RBPJ: variants seen among roughly 807,000 people sequenced by gnomAD.
RBPJ encodes recombining binding protein suppressor of hairless.
RBPJ carries 9 observed loss-of-function variants against 67.8 expected under a neutral mutation model. The ratio of observed to expected loss-of-function variants is 0.13; its 90% CI spans 0.08 to 0.23. The LOEUF (loss-of-function observed/expected upper bound fraction) is 0.23. Ranked by LOEUF, RBPJ falls within the 10% of genes least tolerant of loss-of-function variation. The pLI is 1.00. For missense variants in RBPJ, 305 were observed against 595.6 expected (o/e 0.51, Z 5.08); for synonymous variants, 198 against 203.3 (o/e 0.97, Z 0.22).
In RBPJ at chr4:26,261,756, G is replaced by A. The variant is rs76503274; in HGVS notation, c.-167+98142G>A. Among the ~76,000 whole-genome samples, 518 of 152,244 alleles carry A rather than the reference G, an allele frequency of 3.4e-3. 1 individual carries two copies. Among genetic ancestry groups the A allele is most frequent in the African/African-American group, 0.012 (492 of 41,536 alleles). On this transcript the variant is annotated intron_variant, in intron 1 of 4. Coordinates refer to the RBPJ transcript ENST00000512351. ...AGTGCTCTATCAGGACTAGTTATGT[G>A]ATATCACAATACTTTGAGTCAGAAA...
At chr4:26,306,575 G>A (rs987095488) in intron 1 of RBPJ, among the ~76,000 whole-genome samples, 2 of 151,638 alleles carry the variant, frequency 1.3e-5, no homozygotes, top group Non-Finnish European at 2.9e-5. Context: ...TCAGCCTCCC[G>A]AGTAGCTGGG....
intron 1 of RBPJ, among the ~76,000 whole-genome samples, chr4:26,217,560 G>C (rs1718760331): frequency 6.6e-6 from 1 of 152,142 alleles, no homozygotes; most frequent in South Asian, 2.1e-4. Context: ...CCAGCAACTT[G>C]GAAGGTCATG....
intron 1 of RBPJ, among the ~76,000 whole-genome samples, chr4:26,277,459 C>G (rs960965166): frequency 6.6e-6 from 1 of 152,234 alleles, no homozygotes; most frequent in Non-Finnish European, 1.5e-5. Flanking sequence ...CTCTTGGGAC[C>G]AGGACGAGGC....
intron 1 of RBPJ, among the ~76,000 whole-genome samples, chr4:26,165,887 C>T (rs1203184171): frequency 1.5e-5 from 2 of 132,154 alleles, no homozygotes; most frequent in Non-Finnish European, 3.1e-5. Context: ...CCACAACAGT[C>T]CCCAGAGTGT....
intron 1 of RBPJ, among the ~76,000 whole-genome samples, chr4:26,294,808 G>A (rs1721806043): frequency 6.6e-6 from 1 of 151,640 alleles, no homozygotes; most frequent in Admixed American, 6.6e-5. Flanking sequence ...CCTGGGAGGT[G>A]AAGGTTGCAG....
rs1728150773 is a variant in RBPJ at position 26,362,314 on chromosome 4, TTAAAAATG to T, written c.21-24038_21-24031del. Reference sequence around the variant, plus strand: ...TTCCTCATTCATATGAGGGTTCACATTAAAAATGACAGTGTTACACAGGGTAGCAGCAG... The same window carrying T: ...TTCCTCATTCATATGAGGGTTCACATACAGTGTTACACAGGGTAGCAGCAG... On this transcript the variant is annotated intron_variant, in intron 1 of 10. Coordinates refer to ENST00000355476, the MANE Select transcript of RBPJ (RefSeq NM_015874.6). The T allele has an allele frequency of 1.1e-5, 4 of 366,614 alleles. No homozygotes were observed. In the East Asian group the frequency reaches 1.7e-4, roughly 16 times the overall value. 22.7% of individuals were successfully genotyped at this position (366,614 alleles called of 1,614,324 possible).
upstream of RBPJ, among the ~76,000 whole-genome samples, chr4:26,161,110 G>A (rs1019911081): frequency 3.3e-5 from 5 of 152,212 alleles, no homozygotes; most frequent in African/African-American, 4.8e-5. Flanking sequence ...AAGTGACATC[G>A]TGACAGTTCC....
rs550688365 is a variant in RBPJ at position 26,376,971 on chromosome 4, G to A, written c.21-9382G>A. ...AATGTCTATTCCTTTGCTCATTTAT[G>A]AACTAAGTTTCTTTGTTGTTGAGCT... On this transcript the variant is annotated intron_variant, in intron 1 of 10. Coordinates refer to ENST00000355476, the MANE Select transcript of RBPJ (RefSeq NM_015874.6). 4.6e-5 allele frequency among the ~76,000 whole-genome samples: 7 copies of A among 152,212 alleles called. No homozygotes were observed. The South Asian group carries it at 1.5e-3, about 32-fold the overall frequency.
At chr4:26,255,403 CAAAAA>C (rs766336628) in intron 1 of RBPJ, among the ~76,000 whole-genome samples, 5 of 34,550 alleles carry the variant, frequency 1.4e-4, no homozygotes, top group African/African-American at 6.0e-4. Flanking sequence ...GACTCCGTCT[CAAAAA>C]AAAAAAAAAA....
At chr4:26,253,621 T>C in intron 1 of RBPJ, among the ~76,000 whole-genome samples, 1 of 150,488 alleles carries the variant, frequency 6.6e-6, no homozygotes, top group South Asian at 2.1e-4. Context: ...AAAATATTTC[T>C]AAAACCTTTC....
intron 1 of RBPJ, among the ~76,000 whole-genome samples, chr4:26,164,789 G>T (rs1716203719): frequency 6.6e-6 from 1 of 152,152 alleles, no homozygotes; most frequent in Non-Finnish European, 1.5e-5. Flanking sequence ...AAATGGGGGG[G>T]ACCATCTGCT....
chr4:26,213,271 T>A lies in RBPJ; in HGVS notation c.-167+49657T>A, dbSNP rs1401310061. Among the ~76,000 whole-genome samples, 3 of 152,278 alleles carry A rather than the reference T, an allele frequency of 2.0e-5. No homozygotes were observed. The East Asian group carries it at 5.8e-4, about 29-fold the overall frequency. ...TGAACTGGGGAACAACCAACTGGTG[T>A]CTGCTGCAGAATTGATTGCTTGCTT... On this transcript the variant is annotated intron_variant, in intron 1 of 4. Transcript: ENST00000512351.
intron 1 of RBPJ, chr4:26,322,768 T>C (rs1217231284): frequency 6.6e-6 from 1 of 151,770 alleles, no homozygotes; most frequent in Non-Finnish European, 1.5e-5. Flanking sequence ...CTTATTGTTT[T>C]GGTAATGCTA....
intron 8 of RBPJ, among the ~76,000 whole-genome samples, chr4:26,429,324 G>A (rs745791443): frequency 2.0e-5 from 3 of 152,336 alleles, no homozygotes; most frequent in Non-Finnish European, 2.9e-5. Context: ...GCTTTCATGA[G>A]GTTATGACAT....
chr4:26,340,047 A>G (rs1268819186), intron 1 of RBPJ, among the ~76,000 whole-genome samples: 8 of 152,296 alleles, frequency 5.3e-5, no homozygotes, highest in South Asian at 4.1e-4. Context: ...TCATTCATTC[A>G]TTCAGCAAAT....
intron 1 of RBPJ, among the ~76,000 whole-genome samples, chr4:26,199,460 G>A (rs1041470917): frequency 6.6e-5 from 10 of 152,156 alleles, no homozygotes; most frequent in African/African-American, 2.2e-4. Flanking sequence ...ACAGGAGGAC[G>A]AGAAAATACA....
chr4:26,324,278 T>C (rs1723386790), intron 1 of RBPJ, among the ~76,000 whole-genome samples: 1 of 152,182 alleles, frequency 6.6e-6, no homozygotes, highest in Admixed American at 6.5e-5. Context: ...TAGTGGGATT[T>C]TTTAAAATCC....
In RBPJ at chr4:26,332,063, G is replaced by C. The variant is rs571770297; in HGVS notation, c.20+11015G>C. On this transcript the variant is annotated intron_variant, in intron 1 of 10. Coordinates refer to ENST00000355476, the MANE Select transcript of RBPJ (RefSeq NM_015874.6). Reference sequence around the variant, plus strand: ...TAAGTCTGTTGTATCTGTCATCCATGCTTATCCACATGTCAAGGAAGTGAA... The same window carrying C: ...TAAGTCTGTTGTATCTGTCATCCATCCTTATCCACATGTCAAGGAAGTGAA... 8.5e-5 allele frequency among the ~76,000 whole-genome samples: 13 copies of C among 152,274 alleles called. No homozygotes were observed. The South Asian group carries it at 2.7e-3, about 32-fold the overall frequency.
chr4:26,285,145 A>G (rs1721420404), intron 1 of RBPJ, among the ~76,000 whole-genome samples: 1 of 152,102 alleles, frequency 6.6e-6, no homozygotes, highest in Admixed American at 6.6e-5. Context: ...GTGAGCCACC[A>G]CACCCGGCCA....
Sources: allele counts gnomAD v4.1 joint callset (sites outside exome capture counted in the v4.1 genomes callset), GRCh38; gene constraint gnomAD v4.1.1; transcripts MANE v1.5; gene names NCBI Gene and HGNC (gene_info 2026-07-23, HGNC 2026-07-21).